The following ZNF138 variants were observed in gnomAD, a reference collection of about 807,000 sequenced individuals.
ZNF138 encodes the protein zinc finger protein 138 (clone pHZ-32).
ZNF138 carries 33 observed loss-of-function variants against 33.0 expected under a neutral mutation model. The observed-to-expected ratio is 1.00, with a 90% CI of 0.76 to 1.34. The LOEUF (loss-of-function observed/expected upper bound fraction) is 1.34, where lower values mean the gene tolerates loss of function less well. Ranked by LOEUF, ZNF138 falls within the 40% of genes most tolerant of loss-of-function variation. The probability of loss-of-function intolerance (pLI) is 0.00; values close to 1 mark genes in which losing one functional copy is unlikely to be tolerated. For missense variants in ZNF138, 360 were observed against 370.8 expected (o/e 0.97, Z 0.24); for synonymous variants, 139 against 120.4 (o/e 1.15, Z -1.01).
chr7:64,829,890 G>C (rs1012683560), intron 3 of ZNF138, among the ~76,000 whole-genome samples: 10 of 151,886 alleles, frequency 6.6e-5, no homozygotes, highest in Non-Finnish European at 1.2e-4. Flanking sequence ...ATGATTATGT[G>C]TTGCTTTCTT....
intron 1 of ZNF138, among the ~76,000 whole-genome samples, chr7:64,803,135 T>A (rs1004032659): frequency 5.3e-5 from 8 of 152,228 alleles, no homozygotes; most frequent in Non-Finnish European, 8.8e-5. Context: ...GTAGATTTTT[T>A]TCTTTGTTGT....
intron 3 of ZNF138, among the ~76,000 whole-genome samples, chr7:64,821,403 T>A (rs987301408): frequency 1.3e-5 from 2 of 151,514 alleles, no homozygotes; most frequent in Admixed American, 6.6e-5. Context: ...TAATTGTTTT[T>A]TATTGTAATT....
At chr7:64,802,650 C>G (rs1787237706) in intron 1 of ZNF138, among the ~76,000 whole-genome samples, 1 of 151,602 alleles carries the variant, frequency 6.6e-6, no homozygotes, top group African/African-American at 2.4e-5. Context: ...CCCTTACAAA[C>G]AATTAGATAG....
intron 1 of ZNF138, among the ~76,000 whole-genome samples, chr7:64,797,968 TCTTA>T (rs1786826996): frequency 6.6e-6 from 1 of 152,022 alleles, no homozygotes; most frequent in Non-Finnish European, 1.5e-5. Context: ...TGAGACAGAG[TCTTA>T]CTTTGTTGCC....
the ZNF138 span, among the ~76,000 whole-genome samples, chr7:64,848,906 A>G: frequency 2.0e-5 from 3 of 151,972 alleles, no homozygotes; most frequent in South Asian, 4.2e-4. Flanking sequence ...GCATTTCCCT[A>G]TGTTAGCCAG....
At chr7:64,804,424 CG>C (rs1484483125) in intron 1 of ZNF138, among the ~76,000 whole-genome samples, 3 of 152,122 alleles carry the variant, frequency 2.0e-5, no homozygotes, top group African/African-American at 7.2e-5. Context: ...ATTGCTTACT[CG>C]GGGAGCTCAG....
At chr7:64,831,373 T>A in intron 3 of ZNF138, 78 bp from the exon 4 acceptor site, 1 of 1,293,960 alleles carries the variant, frequency 7.7e-7, no homozygotes, top group Non-Finnish European at 1.1e-6. Flanking sequence ...GTTTGTATGA[T>A]TTTATAGGTT....
In ZNF138 at chr7:64,807,471, C is replaced by G. The variant is rs547762638; in HGVS notation, c.4-7447C>G. Among the ~76,000 whole-genome samples, 10 of 152,346 alleles carry G rather than the reference C, an allele frequency of 6.6e-5. No individual in the cohort carries two copies. In the East Asian group the frequency reaches 1.7e-3, roughly 26 times the overall value. On this transcript the variant is annotated intron_variant, in intron 1 of 3. Transcript: ENST00000307355. ...TCTACTTATATTCATGTTGCCTCAGCTCTTTCATTTTAGGTAGACGTATCA... is the reference window on the plus strand; with the variant it reads ...TCTACTTATATTCATGTTGCCTCAGGTCTTTCATTTTAGGTAGACGTATCA...
intron 3 of ZNF138, among the ~76,000 whole-genome samples, chr7:64,829,738 A>C (rs1019975875): frequency 3.3e-5 from 5 of 151,616 alleles, no homozygotes; most frequent in African/African-American, 4.8e-5. Flanking sequence ...ATAATTAGAA[A>C]TGTTTTCTGC....
chr7:64,803,369 A>G (rs1787317074), intron 1 of ZNF138, among the ~76,000 whole-genome samples: 1 of 151,686 alleles, frequency 6.6e-6, no homozygotes, highest in Non-Finnish European at 1.5e-5. Flanking sequence ...AGATAGGATT[A>G]CATTTAGCAA....
At chr7:64,834,998 G>A (rs543636959), downstream of ZNF138, among the ~76,000 whole-genome samples, 16 of 152,322 alleles carry the variant, frequency 1.1e-4, no homozygotes, top group South Asian at 1.9e-3. Context: ...TGGTCCACAG[G>A]GGGAGGGCCA....
At chr7:64,848,700 G>C in the ZNF138 span, among the ~76,000 whole-genome samples, 2 of 123,564 alleles carry the variant, frequency 1.6e-5, no homozygotes, top group Non-Finnish European at 3.2e-5. Flanking sequence ...TGTGATTTTG[G>C]TGGATTTTTT....
intron 1 of ZNF138, among the ~76,000 whole-genome samples, chr7:64,805,096 C>G (rs1380002921): frequency 1.3e-5 from 2 of 152,100 alleles, no homozygotes; most frequent in African/African-American, 4.8e-5. Context: ...TTCCATGTCA[C>G]CACTATAAAT....
intron 3 of ZNF138, 84 bp from the exon 4 acceptor site, chr7:64,831,367 G>A (rs34720106): frequency 0.044 from 55,492 of 1,248,024 alleles, 2,519 homozygotes; most frequent in East Asian, 0.23. Flanking sequence ...TATGTAGTTT[G>A]TATGATTTTA....
At chr7:64,834,162 A>G (rs1180021182), downstream of ZNF138, among the ~76,000 whole-genome samples, 3 of 152,232 alleles carry the variant, frequency 2.0e-5, no homozygotes, top group Non-Finnish European at 2.9e-5. Context: ...AGTTGCTCAA[A>G]CTTCGTTCAA....
At chr7:64,842,695 A>G in the ZNF138 span, among the ~76,000 whole-genome samples, 1 of 152,202 alleles carries the variant, frequency 6.6e-6, no homozygotes, top group Non-Finnish European at 1.5e-5. Context: ...CTTCCCTTTT[A>G]GTGTCTTCCA....
chr7:64,821,301 G>A (rs1032409712), intron 3 of ZNF138, among the ~76,000 whole-genome samples: 2 of 151,040 alleles, frequency 1.3e-5, no homozygotes, highest in African/African-American at 2.5e-5. Context: ...GTGTTAGCTA[G>A]GATGGTCTTG....
the ZNF138 span, among the ~76,000 whole-genome samples, chr7:64,842,159 G>T: frequency 6.6e-6 from 1 of 152,212 alleles, no homozygotes; most frequent in African/African-American, 2.4e-5. Flanking sequence ...CGCCTCTTGG[G>T]TGCAAGCAAT....
At chr7:64,812,315 G>T (rs1190431175) in intron 1 of ZNF138, among the ~76,000 whole-genome samples, 1 of 141,276 alleles carries the variant, frequency 7.1e-6, no homozygotes, top group Non-Finnish European at 1.6e-5. Flanking sequence ...TTCACCACAC[G>T]CCCGGCTAAT....
Sources: gnomAD v4.1 joint callset for allele counts (sites outside exome capture counted in the v4.1 genomes callset) on GRCh38, gnomAD v4.1.1 for gene constraint, MANE v1.5 for transcripts, NCBI Gene and HGNC (gene_info 2026-07-23, HGNC 2026-07-21) for gene names.